The following IGSF3 variants were observed in gnomAD, a reference collection of about 807,000 sequenced individuals.
The protein encoded by IGSF3 is immunoglobulin superfamily member 3.
In IGSF3, 23 loss-of-function variants were observed where a neutral mutation model predicts 114.4. The observed-to-expected ratio is 0.20, with a 90% CI of 0.14 to 0.28. The LOEUF (loss-of-function observed/expected upper bound fraction) is 0.28, where lower values mean the gene tolerates loss of function less well. Among genes scored for constraint, IGSF3 ranks in the 10% least tolerant of loss-of-function variants. The probability of loss-of-function intolerance (pLI) is 1.00; values close to 1 mark genes in which losing one functional copy is unlikely to be tolerated. For missense variants in IGSF3, 1,172 were observed against 1,591.5 expected, an observed-to-expected ratio of 0.74 and a Z score of 4.48; for synonymous variants, 571 against 645.2, an observed-to-expected ratio of 0.88 and a Z score of 1.74.
rs1391221400 is a variant in IGSF3 at position 116,588,110 on chromosome 1, G to T, written c.2440+584C>A. Reference sequence around the variant, plus strand: ...AAAATGGAACTGAGGCTTGCGGACTGAATAGCTCTCCCTCCCTGGAAGCAT... The same window carrying T: ...AAAATGGAACTGAGGCTTGCGGACTTAATAGCTCTCCCTCCCTGGAAGCAT... On this transcript the variant is annotated intron_variant, in intron 8 of 10. Transcript: ENST00000369486. This position sits in a 1 kb window ranked among gnomAD's most constrained non-coding sequence, Gnocchi z 4.9. Among the ~76,000 whole-genome samples, 6 of 152,136 alleles carry T rather than the reference G, an allele frequency of 3.9e-5. No homozygotes were observed. The highest frequency in any genetic ancestry group is 8.8e-5 in the Non-Finnish European group (6 of 68,014).
Position 116,647,304 on chromosome 1 carries a change from T to C in IGSF3, c.43+18980A>G, listed in dbSNP as rs1462261531. Among the ~76,000 whole-genome samples the C allele has an allele frequency of 6.6e-6, 1 of 152,208 alleles. No homozygotes were observed. The highest frequency in any genetic ancestry group is 2.4e-5 in the African/African-American group (1 of 41,454). On this transcript the variant is annotated intron_variant, in intron 2 of 10. Coordinates refer to ENST00000369486, the MANE Select transcript of IGSF3 (RefSeq NM_001007237.3). The surrounding 1 kb of genome is among the most constrained non-coding windows in gnomAD (Gnocchi z 4.6). ...CCCAGCTACAATGGCCTTATCAGAC[T>C]GAAACAAGAACACCAAGATATTCCA...
At position 116,574,716 on chromosome 1, in the gene IGSF3, TC is replaced by T. The variant is rs1220008983; in HGVS notation, c.*2595del. The T allele has an allele frequency of 6.6e-6, 1 of 152,560 alleles. No individual in the cohort carries two copies. The highest frequency in any genetic ancestry group is 6.5e-5 in the Admixed American group (1 of 15,274). The allele number at this position is 152,560 out of a possible 1,614,324, so 9.5% of individuals were successfully genotyped here. On this transcript the variant is annotated 3_prime_UTR_variant, in exon 11 of 11. Coordinates refer to ENST00000369486, the MANE Select transcript of IGSF3 (RefSeq NM_001007237.3). This position sits in a 1 kb window ranked among gnomAD's most constrained non-coding sequence, Gnocchi z 5.2. ...ATGCAACATTGTAGACATAGATGAA[TC>T]CAGAGTATTCAGCAGTTTTCCTCCG...
At position 116,584,966 on chromosome 1, in the gene IGSF3, G is replaced by C; in HGVS notation, c.2527C>G (p.Arg843Gly). The change falls in exon 9 of 11, where the codon CGC (arginine) becomes GGC (glycine). Residue 843 changes from arginine to glycine, a missense_variant. Arg to Gly is a moderately radical substitution (Grantham distance 125, BLOSUM62 -2). This residue lies in a region of IGSF3 where 423 missense variants were observed against 509.8 expected (regional missense o/e 0.83). Transcript: ENST00000369486. The surrounding 1 kb of genome is among the most constrained non-coding windows in gnomAD (Gnocchi z 5.8). ...QVQLECVVLN[R>G]TSITSQLMVE... ...ATGAGCTGGGAGGTTATGCTGGTGC[G>C]GTTGAGAACCACACACTCCAGCTGT... 6.2e-7 allele frequency: 1 copy of C among 1,608,318 alleles called. No individual in the cohort carries two copies. Among genetic ancestry groups the C allele is most frequent in the Non-Finnish European group, 8.5e-7 (1 of 1,175,512 alleles).
At chr1:116,613,158 TAGG>T (rs1455561344) in intron 4 of IGSF3, among the ~76,000 whole-genome samples, 4 of 152,136 alleles carry the variant, frequency 2.6e-5, no homozygotes, top group Non-Finnish European at 4.4e-5. Flanking sequence ...ACCTGCAAAA[TAGG>T]AGTACTACCA....
At chr1:116,578,160 G>A (rs892577556) in intron 10 of IGSF3, among the ~76,000 whole-genome samples, 102 of 152,318 alleles carry the variant, frequency 6.7e-4, no homozygotes, top group African/African-American at 2.2e-3. Context: ...GGCGCCCCAA[G>A]ACAGGTTGAG....
At chr1:116,667,421 C>T (rs1649382992) in intron 1 of IGSF3, among the ~76,000 whole-genome samples, 197 bp downstream of exon 1, 1 of 152,144 alleles carries the variant, frequency 6.6e-6, no homozygotes, top group African/African-American at 2.4e-5. Context: ...GAAGGGAGTC[C>T]GGAGCTCCGC....
chr1:116,600,153 C>A lies in IGSF3; in HGVS notation c.1817G>T (p.Trp606Leu), dbSNP rs753783767. The change falls in exon 7 of 11, where the codon TGG becomes TTG. Residue 606 changes from tryptophan (W) to leucine (L), a missense_variant. Transcript: ENST00000369486. The surrounding 1 kb of genome is among the most constrained non-coding windows in gnomAD (Gnocchi z 5.5). ...TCGGAAGCTGGAGGACCTGTCCCCC[C>A]ACTGGACCCCTCCGTCCCGGGTGAA... ...VTFTRDGGVQ[W>L]GDRSSSFRTR... The A allele has an allele frequency of 1.2e-6, 2 of 1,614,084 alleles. No individual in the cohort carries two copies. The highest frequency in any genetic ancestry group is 4.5e-5 in the East Asian group (2 of 44,874).
rs749180891 is a variant in IGSF3, at chr1:116,650,180, A to G, written c.43+16104T>C. On this transcript the variant is annotated intron_variant, in intron 2 of 10. Coordinates refer to ENST00000369486, the MANE Select transcript of IGSF3 (RefSeq NM_001007237.3). The surrounding 1 kb of genome is among the most constrained non-coding windows in gnomAD (Gnocchi z 5.0). ...GAGTGTCTAACATAGGTTAGACACT[A>G]TAAGTAGTAGAAAATTCCAACTCAA... Among the ~76,000 whole-genome samples the G allele has an allele frequency of 3.9e-5, 6 of 152,236 alleles. No homozygotes were observed. The highest frequency in any genetic ancestry group is 7.3e-5 in the Non-Finnish European group (5 of 68,044).
In IGSF3 at chr1:116,574,636, G is replaced by A. The variant is rs11553409; in HGVS notation, c.*2676C>T. ...GCTACAGAAACACCCGGTGAAAGAGGGTGTGGTCATATTCATGTCCTAGAA... is the reference window on the plus strand; with the variant it reads ...GCTACAGAAACACCCGGTGAAAGAGAGTGTGGTCATATTCATGTCCTAGAA... On this transcript the variant is annotated 3_prime_UTR_variant, in exon 11 of 11. Transcript: ENST00000369486. This position sits in a 1 kb window ranked among gnomAD's most constrained non-coding sequence, Gnocchi z 5.2. 1.3e-5 allele frequency: 2 copies of A among 152,480 alleles called. No homozygotes were observed. The highest frequency in any genetic ancestry group is 4.8e-5 in the African/African-American group (2 of 41,358). The allele number at this position is 152,480 out of a possible 1,614,324, so 9.4% of individuals were successfully genotyped here. A position where few individuals can be genotyped will look rare whatever the true frequency, so the allele number is the denominator to read the frequency against.
chr1:116,615,035 G>A lies in IGSF3; in HGVS notation c.422-860C>T, dbSNP rs1392666567. On this transcript the variant is annotated intron_variant, in intron 3 of 10. Coordinates refer to ENST00000369486, the MANE Select transcript of IGSF3 (RefSeq NM_001007237.3). This position sits in a 1 kb window ranked among gnomAD's most constrained non-coding sequence, Gnocchi z 4.3. ...CACACCTATAATCCCAACACTTTGG[G>A]AGGGTGAGGGAGGCGGATCACCTGA... is the stretch of plus-strand genomic sequence containing the variant. Among the ~76,000 whole-genome samples the A allele has an allele frequency of 6.6e-6, 1 of 152,032 alleles. No individual in the cohort carries two copies. The highest frequency in any genetic ancestry group is 1.5e-5 in the Non-Finnish European group (1 of 68,012).
rs1436728416 is a variant in IGSF3 at position 116,618,749 on chromosome 1, T to C, written c.44-2292A>G. ...TGACATTTTAATCAAATGATTGCAGTATTCCTGAAACACAGAACATTTTGC... is the reference window on the plus strand; with the variant it reads ...TGACATTTTAATCAAATGATTGCAGCATTCCTGAAACACAGAACATTTTGC... On this transcript the variant is annotated intron_variant, in intron 2 of 10. Coordinates refer to ENST00000369486, the MANE Select transcript of IGSF3 (RefSeq NM_001007237.3). This position sits in a 1 kb window ranked among gnomAD's most constrained non-coding sequence, Gnocchi z 4.7. Among the ~76,000 whole-genome samples, 1 of 152,216 alleles carries C rather than the reference T, an allele frequency of 6.6e-6. No individual in the cohort carries two copies. The highest frequency in any genetic ancestry group is 6.5e-5 in the Admixed American group (1 of 15,290).
rs1214382262 is a variant in IGSF3 at position 116,634,289 on chromosome 1, G to A, written c.44-17832C>T. ...TTTAAATTTCTCCTAATAAAACGCT[G>A]TTTAAAAATCTAAGAGGAAAAAAGG... On this transcript the variant is annotated intron_variant, in intron 2 of 10. Coordinates refer to ENST00000369486, the MANE Select transcript of IGSF3 (RefSeq NM_001007237.3). The surrounding 1 kb of genome is among the most constrained non-coding windows in gnomAD (Gnocchi z 4.2). 2.0e-5 allele frequency among the ~76,000 whole-genome samples: 3 copies of A among 152,180 alleles called. No homozygotes were observed. The highest frequency in any genetic ancestry group is 4.4e-5 in the Non-Finnish European group (3 of 68,036).
Position 116,594,911 on chromosome 1 carries a change from C to T in IGSF3, c.2029+5030G>A, listed in dbSNP as rs1188141859. Among the ~76,000 whole-genome samples the T allele has an allele frequency of 6.6e-6, 1 of 152,168 alleles. No individual in the cohort carries two copies. The highest frequency in any genetic ancestry group is 1.5e-5 in the Non-Finnish European group (1 of 68,032). ...CTACCCCATTCCCTCCTCACGCCCC[C>T]TGCCCCCGTTCATGCCCTGTGCTGG... On this transcript the variant is annotated intron_variant, in intron 7 of 10. Transcript: ENST00000369486. The surrounding 1 kb of genome is among the most constrained non-coding windows in gnomAD (Gnocchi z 5.2).
At chr1:116,604,627 C>T (rs1159695193) in intron 5 of IGSF3, among the ~76,000 whole-genome samples, 2 of 152,154 alleles carry the variant, frequency 1.3e-5, no homozygotes, top group Non-Finnish European at 2.9e-5. Context: ...GAGGAGCGGG[C>T]TTTCATTCTT....
rs1268048554 is a variant in IGSF3 at position 116,589,892 on chromosome 1, T to C, written c.2030-788A>G. 6.6e-6 allele frequency among the ~76,000 whole-genome samples: 1 copy of C among 152,026 alleles called. No individual in the cohort carries two copies. Among genetic ancestry groups the C allele is most frequent in the Admixed American group, 6.5e-5 (1 of 15,274 alleles). On this transcript the variant is annotated intron_variant, in intron 7 of 10. Transcript: ENST00000369486. This position sits in a 1 kb window ranked among gnomAD's most constrained non-coding sequence, Gnocchi z 5.7. Reference sequence around the variant, plus strand: ...GAGTAAGCCGGAGTCCCAGCCCTCATGGGGTGGACTGCCTAGCGGACATTC... The same window carrying C: ...GAGTAAGCCGGAGTCCCAGCCCTCACGGGGTGGACTGCCTAGCGGACATTC...
rs147612738 is a variant in IGSF3, at chr1:116,618,932, C to G, written c.44-2475G>C. Among the ~76,000 whole-genome samples the G allele has an allele frequency of 6.6e-6, 1 of 152,204 alleles. No homozygotes were observed. Among genetic ancestry groups the G allele is most frequent in the Admixed American group, 6.5e-5 (1 of 15,284 alleles). ...TAAGGACTGCTTCTCAATCCTGGAC[C>G]TACACTGGAATCACCTGGGGAGCTT... On this transcript the variant is annotated intron_variant, in intron 2 of 10. Coordinates refer to ENST00000369486, the MANE Select transcript of IGSF3 (RefSeq NM_001007237.3). This position sits in a 1 kb window ranked among gnomAD's most constrained non-coding sequence, Gnocchi z 4.7.
Position 116,654,280 on chromosome 1 carries a change from C to T in IGSF3, c.43+12004G>A, listed in dbSNP as rs974950330. On this transcript the variant is annotated intron_variant, in intron 2 of 10. Transcript: ENST00000369486. This position sits in a 1 kb window ranked among gnomAD's most constrained non-coding sequence, Gnocchi z 4.4. The stretch of plus-strand genomic sequence containing the variant: ...AGGGCAGCAGGCACCTGCTTTGGCA[C>T]CTTGGCAATTTCCACCAGGCAGAAT... Among the ~76,000 whole-genome samples the T allele has an allele frequency of 5.3e-5, 8 of 152,224 alleles. No individual in the cohort carries two copies. The highest frequency in any genetic ancestry group is 6.5e-5 in the Admixed American group (1 of 15,288).
In IGSF3 at chr1:116,628,934, AATAAC is replaced by A; in HGVS notation, c.44-12482_44-12478del. On this transcript the variant is annotated intron_variant, in intron 2 of 10. Transcript: ENST00000369486. The surrounding 1 kb of genome is among the most constrained non-coding windows in gnomAD (Gnocchi z 4.2). ...GATAAGCCAGCATCACAGATGCAAA[AATAAC>A]AGAACTGTGGAAGTAGAGACTAATT... Among the ~76,000 whole-genome samples, 1 of 152,334 alleles carries A rather than the reference AATAAC, an allele frequency of 6.6e-6. No homozygotes were observed. The highest frequency in any genetic ancestry group is 3.4e-3 in the Middle Eastern group (1 of 294).
chr1:116,590,495 A>G (rs939349542), intron 7 of IGSF3, among the ~76,000 whole-genome samples: 1 of 152,168 alleles, frequency 6.6e-6, no homozygotes, highest in Non-Finnish European at 1.5e-5. Flanking sequence ...ACCACTTCCC[A>G]GCTGAGAAAG....
Sources: gnomAD v4.1 joint callset for allele counts (sites outside exome capture counted in the v4.1 genomes callset) on GRCh38, gnomAD v4.1.1 for gene constraint, gnomAD v4.1.1 regional missense constraint, Gnocchi (gnomAD v3.1) non-coding constraint, MANE v1.5 for transcripts, NCBI Gene and HGNC (gene_info 2026-07-23, HGNC 2026-07-21) for gene names.